The following MAML2 variants were observed in gnomAD, a reference collection of about 807,000 sequenced individuals.
MAML2 encodes mastermind like transcriptional coactivator 2.
In MAML2, 22 loss-of-function variants were observed where a neutral mutation model predicts 96.1. The ratio of observed to expected loss-of-function variants is 0.23; its 90% CI spans 0.16 to 0.33. The LOEUF is 0.33. Ranked by LOEUF, MAML2 falls within the 10% of genes least tolerant of loss-of-function variation. MAML2 has a pLI of 1.00. For missense variants in MAML2, 1,367 were observed against 1,392.4 expected (o/e 0.98, Z 0.29); for synonymous variants, 561 against 521.3 (o/e 1.08, Z -1.04).
intron 1 of MAML2, among the ~76,000 whole-genome samples, chr11:96,255,854 C>T (rs969524217): frequency 1.4e-5 from 2 of 145,426 alleles, no homozygotes; most frequent in Admixed American, 7.1e-5. Flanking sequence ...GAGATAATTT[C>T]CCCCCACCGC....
intron 1 of MAML2, among the ~76,000 whole-genome samples, chr11:96,112,174 C>G (rs747395745): frequency 6.6e-6 from 1 of 152,186 alleles, no homozygotes; most frequent in South Asian, 2.1e-4. Context: ...ATAGGGCACT[C>G]TATACATAAC....
intron 1 of MAML2, among the ~76,000 whole-genome samples, chr11:96,200,118 A>G (rs1340684444): frequency 2.0e-5 from 3 of 152,240 alleles, no homozygotes; most frequent in East Asian, 3.8e-4. Context: ...TTATATTATT[A>G]TCACCTTTGG....
Position 96,102,812 on chromosome 11 carries a change from G to A in MAML2, c.514-9295C>T, listed in dbSNP as rs113435517. On this transcript the variant is annotated intron_variant, in intron 1 of 4. Coordinates refer to ENST00000524717, the MANE Select transcript of MAML2 (RefSeq NM_032427.4). Reference sequence around the variant, plus strand: ...GACCCTTTGTGTTTAACAGAGAAATGCACATAATATTCTGTAAAAGCCTGA... The same window carrying A: ...GACCCTTTGTGTTTAACAGAGAAATACACATAATATTCTGTAAAAGCCTGA... Among the ~76,000 whole-genome samples, 647 of 152,310 alleles carry A rather than the reference G, an allele frequency of 4.2e-3. 1 individual carries two copies. Among genetic ancestry groups the A allele is most frequent in the Non-Finnish European group, 7.4e-3 (502 of 68,032 alleles).
At chr11:96,074,531 G>A (rs959110000) in intron 2 of MAML2, among the ~76,000 whole-genome samples, 6 of 152,206 alleles carry the variant, frequency 3.9e-5, no homozygotes, top group African/African-American at 1.4e-4. Flanking sequence ...AGGTTAATAT[G>A]GAGGAAAGAT....
chr11:96,243,326 G>T (rs1862462485), intron 1 of MAML2, among the ~76,000 whole-genome samples: 1 of 152,174 alleles, frequency 6.6e-6, no homozygotes, highest in African/African-American at 2.4e-5. Flanking sequence ...GGAGGCGGGG[G>T]AGGCGGGGTT....
intron 2 of MAML2, among the ~76,000 whole-genome samples, chr11:96,023,246 G>C (rs973830415): frequency 2.0e-5 from 3 of 152,152 alleles, no homozygotes; most frequent in Admixed American, 2.0e-4. Flanking sequence ...ATTTGCAGTC[G>C]CGATGGGCAG....
At chr11:96,206,563 A>C (rs1455290511) in intron 1 of MAML2, among the ~76,000 whole-genome samples, 3 of 152,266 alleles carry the variant, frequency 2.0e-5, no homozygotes, top group Non-Finnish European at 4.4e-5. Flanking sequence ...GTACGACTGC[A>C]CTGCAGCCTG....
intron 1 of MAML2, among the ~76,000 whole-genome samples, chr11:96,148,062 T>C (rs1430462539): frequency 6.6e-6 from 1 of 152,212 alleles, no homozygotes; most frequent in Non-Finnish European, 1.5e-5. Context: ...AACAAGACTG[T>C]GGTGCATTCA....
At chr11:96,008,317 A>T (rs1308173974) in intron 2 of MAML2, among the ~76,000 whole-genome samples, 2 of 152,166 alleles carry the variant, frequency 1.3e-5, no homozygotes, top group Non-Finnish European at 2.9e-5. Flanking sequence ...CAATTTGGTA[A>T]ACATTTGTGG....
chr11:96,068,201 C>G (rs1413922908), intron 2 of MAML2, among the ~76,000 whole-genome samples: 1 of 152,100 alleles, frequency 6.6e-6, no homozygotes, highest in Non-Finnish European at 1.5e-5. Flanking sequence ...ATTAAATTAG[C>G]TGTTTTCACT....
intron 2 of MAML2, among the ~76,000 whole-genome samples, chr11:96,077,231 T>G (rs1859455764): frequency 6.9e-6 from 1 of 145,562 alleles, no homozygotes; most frequent in African/African-American, 2.6e-5. Flanking sequence ...TTTTTTTTTT[T>G]TTTTTTTTAA....
At position 96,214,560 on chromosome 11, in the gene MAML2, C is replaced by G. The variant is rs976779511; in HGVS notation, c.514-121043G>C. On this transcript the variant is annotated intron_variant, in intron 1 of 4. Transcript: ENST00000524717. Reference sequence around the variant, plus strand: ...GGAAACACTTGCTGATGTTGGTAAACCATGAACTCAACTCCAAAGCAGGAG... The same window carrying G: ...GGAAACACTTGCTGATGTTGGTAAAGCATGAACTCAACTCCAAAGCAGGAG... 2.8e-4 allele frequency among the ~76,000 whole-genome samples: 43 copies of G among 152,280 alleles called. No individual in the cohort carries two copies. The South Asian group carries it at 3.1e-3, about 11-fold the overall frequency.
At chr11:96,106,905 G>A (rs1471833149) in intron 1 of MAML2, among the ~76,000 whole-genome samples, 2 of 149,964 alleles carry the variant, frequency 1.3e-5, no homozygotes, top group Non-Finnish European at 3.0e-5. Context: ...AGAGGATAAA[G>A]TGCTTCCTTA....
At chr11:96,012,429 T>C (rs564358522) in intron 2 of MAML2, among the ~76,000 whole-genome samples, 1 of 152,350 alleles carries the variant, frequency 6.6e-6, no homozygotes, top group South Asian at 2.1e-4. Flanking sequence ...AGAGGCAGTC[T>C]GGCATATTTC....
intron 1 of MAML2, among the ~76,000 whole-genome samples, chr11:96,153,910 TCAA>T (rs1483045692): frequency 2.1e-5 from 3 of 139,818 alleles, no homozygotes; most frequent in Non-Finnish European, 3.1e-5. Flanking sequence ...AGACTCCGTC[TCAA>T]TAAATAAATA....
At chr11:96,208,769 C>A (rs1861928359) in intron 1 of MAML2, among the ~76,000 whole-genome samples, 1 of 151,844 alleles carries the variant, frequency 6.6e-6, no homozygotes, top group Non-Finnish European at 1.5e-5. Flanking sequence ...TTAAGCTAAT[C>A]AAGGAGGCAC....
At chr11:96,264,007 G>A (rs1033409802) in intron 1 of MAML2, among the ~76,000 whole-genome samples, 6 of 152,166 alleles carry the variant, frequency 3.9e-5, no homozygotes, top group African/African-American at 1.4e-4. Context: ...AATAAATGTT[G>A]GTTATAGTTA....
At chr11:96,000,743 C>T (rs1422165087) in intron 2 of MAML2, among the ~76,000 whole-genome samples, 1 of 152,124 alleles carries the variant, frequency 6.6e-6, no homozygotes, top group Admixed American at 6.5e-5. Context: ...AAAGACGCTG[C>T]CCAGAAAGTT....
chr11:96,261,834 C>T lies in MAML2; in HGVS notation c.513+79549G>A, dbSNP rs146026764. On this transcript the variant is annotated intron_variant, in intron 1 of 4. Transcript: ENST00000524717. ...TATAAACAACCAAGTTACCTAACTG[C>T]AGACAATTTTATAATTATTTTTTCA... Among the ~76,000 whole-genome samples the T allele has an allele frequency of 3.9e-5, 6 of 152,346 alleles. No homozygotes were observed. In the East Asian group the frequency reaches 1.2e-3, roughly 29 times the overall value.
Sources: gnomAD v4.1 joint callset for allele counts (sites outside exome capture counted in the v4.1 genomes callset) on GRCh38, gnomAD v4.1.1 for gene constraint, MANE v1.5 for transcripts, NCBI Gene and HGNC (gene_info 2026-07-23, HGNC 2026-07-21) for gene names.